Variants in HMCN2 observed in about 807,000 individuals in gnomAD.
HMCN2 encodes the protein hemicentin 2.
Under a neutral mutation model 377.5 loss-of-function variants are expected in HMCN2, and 325 were observed. The ratio of observed to expected loss-of-function variants is 0.86; its 90% CI spans 0.79 to 0.94. The LOEUF (loss-of-function observed/expected upper bound fraction) is 0.94, where lower values mean the gene tolerates loss of function less well. HMCN2 is among the 40% of genes least tolerant of loss of function. The probability of loss-of-function intolerance (pLI) is 0.00; values close to 1 mark genes in which losing one functional copy is unlikely to be tolerated. For missense variants in HMCN2, 4,543 were observed against 4,725.3 expected (o/e 0.96, Z 1.13); for synonymous variants, 2,007 against 2,046.8 (o/e 0.98, Z 0.53).
At chr9:130,400,008 G>T (rs531955447) in intron 76 of HMCN2, among the ~76,000 whole-genome samples, 1 of 152,308 alleles carries the variant, frequency 6.6e-6, no homozygotes, top group South Asian at 2.1e-4. Context: ...TTCAGCTCAC[G>T]CCAGACCTGC....
At chr9:130,294,000 G>A (rs1835962626) in intron 4 of HMCN2, among the ~76,000 whole-genome samples, 1 of 152,114 alleles carries the variant, frequency 6.6e-6, no homozygotes, top group Admixed American at 6.5e-5. Flanking sequence ...GGAGGGGTGG[G>A]GTCCAGTGTA....
rs555792611 is a variant in HMCN2, at chr9:130,279,653, C to T, written c.260-4950C>T. On this transcript the variant is annotated intron_variant, in intron 1 of 97. Coordinates refer to ENST00000683500, the MANE Select transcript of HMCN2 (RefSeq NM_001291815.2). Reference sequence around the variant, plus strand: ...CAGGCGTGAGCCACCGTGCCCGGCCCTCAACATTGTTATGTTTGGCACATA... The same window carrying T: ...CAGGCGTGAGCCACCGTGCCCGGCCTTCAACATTGTTATGTTTGGCACATA... 2.6e-5 allele frequency among the ~76,000 whole-genome samples: 4 copies of T among 152,068 alleles called. 1 individual carries two copies. The highest frequency in any genetic ancestry group is 9.6e-5 in the African/African-American group (4 of 41,490).
Position 130,351,524 on chromosome 9 carries a change from T to A in HMCN2, c.4532T>A (p.Val1511Glu). The change falls in exon 30 of 98, where the codon GTG (valine) becomes GAG (glutamate). Residue 1511 changes from valine to glutamate, a missense_variant. By Grantham distance (121) the Val-to-Glu change is moderately radical. This residue lies in a region of HMCN2 where 1,032 missense variants were observed against 1,285.1 expected (regional missense o/e 0.80). Transcript: ENST00000683500. The surrounding 1 kb of genome is among the most constrained non-coding windows in gnomAD (Gnocchi z 5.4). ...GGGGATGAGGGACGATACCAGTGCG[T>A]GGCCTTCAGCCCAGCTGGTCAGCAG... ...HVGDEGRYQC[V>E]AFSPAGQQAR... 2 of 1,304,238 alleles carry A rather than the reference T, an allele frequency of 1.5e-6. No homozygotes were observed. The highest frequency in any genetic ancestry group is 1.0e-6 in the Non-Finnish European group (1 of 988,944). 80.8% of individuals were successfully genotyped at this position (1,304,238 alleles called of 1,614,324 possible).
chr9:130,400,748 GC>G (rs767606441), intron 76 of HMCN2, 34 bp from the exon 77 acceptor site: 1 of 1,259,478 alleles, frequency 7.9e-7, no homozygotes, highest in South Asian at 1.3e-5. Context: ...CCCTGTGCCC[GC>G]CGGCAGGGCC....
rs897896760 is a variant in HMCN2 at position 130,360,849 on chromosome 9, C to G, written c.5950+245C>G. Among the ~76,000 whole-genome samples the G allele has an allele frequency of 2.0e-5, 3 of 151,480 alleles. No homozygotes were observed. Among genetic ancestry groups the G allele is most frequent in the Non-Finnish European group, 4.4e-5 (3 of 67,868 alleles). ...TCCACCCATCCACTCATCCACCTATCCACCCATCCATCCATCAACTCATCT... is the reference window on the plus strand; with the variant it reads ...TCCACCCATCCACTCATCCACCTATGCACCCATCCATCCATCAACTCATCT... On this transcript the variant is annotated intron_variant, in intron 38 of 97. Coordinates refer to ENST00000683500, the MANE Select transcript of HMCN2 (RefSeq NM_001291815.2). The surrounding 1 kb of genome is among the most constrained non-coding windows in gnomAD (Gnocchi z 4.7).
At chr9:130,283,382 G>A (rs939651694) in intron 1 of HMCN2, among the ~76,000 whole-genome samples, 2 of 151,934 alleles carry the variant, frequency 1.3e-5, no homozygotes, top group African/African-American at 4.8e-5. Flanking sequence ...AAACAGCCCC[G>A]TCATTCTCGT....
intron 15 of HMCN2, among the ~76,000 whole-genome samples, chr9:130,318,062 G>T (rs1353828153): frequency 1.3e-5 from 2 of 152,194 alleles, no homozygotes; most frequent in African/African-American, 4.8e-5. Flanking sequence ...TGTAGGGCGG[G>T]CCCAAGGAAA....
At chr9:130,388,289 A>G in intron 61 of HMCN2, 120 bp from the exon 62 acceptor site, 1 of 634,920 alleles carries the variant, frequency 1.6e-6, no homozygotes, top group Non-Finnish European at 2.0e-6. Flanking sequence ...TTGTGAATAA[A>G]ACATAGAATG....
At chr9:130,377,139 A>G (rs987157728) in intron 52 of HMCN2, among the ~76,000 whole-genome samples, 5 of 150,402 alleles carry the variant, frequency 3.3e-5, no homozygotes, top group Non-Finnish European at 7.4e-5. Context: ...TTTGAGACAG[A>G]GTCTCGCTCT....
intron 90 of HMCN2, 29 bp from the exon 91 acceptor site, chr9:130,427,284 C>A: frequency 6.5e-7 from 1 of 1,549,742 alleles, no homozygotes; most frequent in Non-Finnish European, 8.7e-7. Flanking sequence ...ACCCTCATGT[C>A]CTTAGAGTCT....
rs960310109 is a variant in HMCN2, at chr9:130,423,376, GC to G, written c.13381+653del. ...CACTGAAAGTAGCTCCTCTGAAGCTGCCCTTGGCCATGGTCCCGCATGAGCA... is the reference window on the plus strand; with the variant it reads ...CACTGAAAGTAGCTCCTCTGAAGCTGCCTTGGCCATGGTCCCGCATGAGCA... On this transcript the variant is annotated intron_variant, in intron 87 of 97. Transcript: ENST00000683500. The surrounding 1 kb of genome is among the most constrained non-coding windows in gnomAD (Gnocchi z 5.5). 6.6e-6 allele frequency among the ~76,000 whole-genome samples: 1 copy of G among 152,218 alleles called. No homozygotes were observed. The highest frequency in any genetic ancestry group is 1.5e-5 in the Non-Finnish European group (1 of 68,044).
Position 130,288,595 on chromosome 9 carries a change from G to T in HMCN2, c.612+2285G>T, listed in dbSNP as rs139110275. 3.8e-3 allele frequency among the ~76,000 whole-genome samples: 572 copies of T among 152,344 alleles called. 10 individuals are homozygous for T. The highest frequency in any genetic ancestry group is 0.035 in the Admixed American group (534 of 15,306). On this transcript the variant is annotated intron_variant, in intron 4 of 97. Transcript: ENST00000683500. The stretch of plus-strand genomic sequence containing the variant: ...TTGCAAAAGGCTCCAAACTATGCGT[G>T]TGTCATTAATCCTTTTACCTCTTCA...
chr9:130,307,639 C>T (rs1836955199), intron 14 of HMCN2, 73 bp downstream of exon 14: 2 of 468,158 alleles, frequency 4.3e-6, no homozygotes, highest in South Asian at 3.1e-5. Flanking sequence ...GTGGGGGTGT[C>T]CTGAATGTGG....
At chr9:130,267,958 G>A (rs1352128766) in intron 1 of HMCN2, among the ~76,000 whole-genome samples, 3 of 152,242 alleles carry the variant, frequency 2.0e-5, no homozygotes, top group African/African-American at 7.2e-5. Flanking sequence ...CACTGAAGGA[G>A]CTTAGAGATC....
At chr9:130,407,745 C>CCAGTCTATTGG (rs1843179516) in intron 83 of HMCN2, 40 bp downstream of exon 83, 4 of 1,174,992 alleles carry the variant, frequency 3.4e-6, no homozygotes, top group Non-Finnish European at 4.3e-6. Flanking sequence ...CTCAAGACCT[C>CCAGTCTATTGG]CAGTCTATTG....
Position 130,355,748 on chromosome 9 carries a change from C to A in HMCN2, c.5149C>A (p.Pro1717Thr), listed in dbSNP as rs776658240. The change falls in exon 33 of 98, where the codon CCC (proline) becomes ACC (threonine). Residue 1717 changes from proline to threonine, a missense_variant and splice_region_variant. Pro to Thr is a conservative substitution (Grantham distance 38, BLOSUM62 -1). Coordinates refer to ENST00000683500, the MANE Select transcript of HMCN2 (RefSeq NM_001291815.2). ...VLQYSVEVQV[P>T]PQLLVAEGLG... is the part of the protein sequence containing the mutation. ...CCAGGAGTGTGTTCTGCCTGCAGTG[C>A]CCCCACAGCTCCTGGTGGCTGAAGG... 27 of 1,302,008 alleles carry A rather than the reference C, an allele frequency of 2.1e-5. No homozygotes were observed. In the South Asian group the frequency reaches 3.2e-4, roughly 15 times the overall value. The allele number at this position is 1,302,008 out of a possible 1,614,324, so 80.7% of individuals were successfully genotyped here. A position where few individuals can be genotyped will look rare whatever the true frequency, so the allele number is the denominator to read the frequency against.
At chr9:130,267,435 AACACACACACACACACACACAC>A (rs36122739) in intron 1 of HMCN2, among the ~76,000 whole-genome samples, 6 of 145,810 alleles carry the variant, frequency 4.1e-5, no homozygotes, top group Non-Finnish European at 9.0e-5. Flanking sequence ...CCCCAAATAA[AACACACACACACACACACACAC>A]ACACACACAC....
intron 79 of HMCN2, 79 bp from the exon 80 acceptor site, chr9:130,403,662 A>G (rs1056896579): frequency 4.3e-5 from 53 of 1,231,630 alleles, no homozygotes; most frequent in Non-Finnish European, 5.3e-5. Context: ...TGCCTGTGAG[A>G]CAGAATAGCC....
chr9:130,298,904 A>AC (rs1280281488), intron 7 of HMCN2, 121 bp from the exon 8 acceptor site: 1 of 367,774 alleles, frequency 2.7e-6, no homozygotes, highest in Non-Finnish European at 5.5e-6. Flanking sequence ...GGAAGGAGGG[A>AC]CCAGGTAGGA....
Sources: gnomAD v4.1 joint callset for allele counts (sites outside exome capture counted in the v4.1 genomes callset) on GRCh38, gnomAD v4.1.1 for gene constraint, gnomAD v4.1.1 regional missense constraint, Gnocchi (gnomAD v3.1) non-coding constraint, MANE v1.5 for transcripts, NCBI Gene and HGNC (gene_info 2026-07-23, HGNC 2026-07-21) for gene names.